The following ZNF445 variants were observed in gnomAD, a reference collection of about 807,000 sequenced individuals.
ZNF445 encodes the protein zinc finger protein 168.
A neutral mutation model predicts 93.9 loss-of-function variants in ZNF445; 19 were observed. The observed-to-expected ratio is 0.20, with a 90% confidence interval of 0.14 to 0.30. ZNF445 has a LOEUF of 0.30. ZNF445 is among the 10% of genes least tolerant of loss of function. ZNF445 has a pLI of 1.00. For synonymous variants in ZNF445, 449 were observed against 446.3 expected (o/e 1.01, Z -0.08); for missense variants, 1,058 against 1,259.4 (o/e 0.84, Z 2.42).
chr3:44,439,507 G>T lies in ZNF445; in HGVS notation c.*7068C>A, dbSNP rs1697764911. 6.6e-6 allele frequency: 1 copy of T among 152,142 alleles called. No individual in the cohort carries two copies. Among genetic ancestry groups the T allele is most frequent in the African/African-American group, 2.4e-5 (1 of 41,384 alleles). The allele number at this position is 152,142 out of a possible 1,614,324, so 9.4% of individuals were successfully genotyped here. ...TCCCTGCCCCAGCATTAGTAGCTGGGACCTCTCCACAGAAGCACAGATCCA... is the reference window on the plus strand; with the variant it reads ...TCCCTGCCCCAGCATTAGTAGCTGGTACCTCTCCACAGAAGCACAGATCCA... On this transcript the variant is annotated 3_prime_UTR_variant, in exon 8 of 8. Transcript: ENST00000396077.
chr3:44,477,102 G>C (rs1698371145), intron 1 of ZNF445, among the ~76,000 whole-genome samples: 1 of 152,148 alleles, frequency 6.6e-6, no homozygotes, highest in African/African-American at 2.4e-5. Flanking sequence ...AATGTTATGT[G>C]TTATTTTGGC....
chr3:44,455,018 C>A (rs773548064), intron 3 of ZNF445, 103 bp downstream of exon 3: 9 of 1,414,618 alleles, frequency 6.4e-6, no homozygotes, highest in Non-Finnish European at 7.8e-6. Context: ...GCTTCCCCTG[C>A]ACTCCTCTAT....
rs771609452 is a variant in ZNF445, at chr3:44,440,433, A to G, written c.*6142T>C. ...TTATTAAGCAAAATTAAGGAGATTT[A>G]GGCAAGGAGGAGCTTATAATTTCCT... On this transcript the variant is annotated 3_prime_UTR_variant, in exon 8 of 8. Coordinates refer to ENST00000396077, the MANE Select transcript of ZNF445 (RefSeq NM_181489.6). 49 of 152,230 alleles carry G rather than the reference A, an allele frequency of 3.2e-4. No homozygotes were observed. The highest frequency in any genetic ancestry group is 1.3e-3 in the Admixed American group (20 of 15,284). The allele number at this position is 152,230 out of a possible 1,614,324, so 9.4% of individuals were successfully genotyped here.
At chr3:44,450,696 G>T in intron 5 of ZNF445, 123 bp from the exon 6 acceptor site, 1 of 1,394,438 alleles carries the variant, frequency 7.2e-7, no homozygotes, top group South Asian at 1.4e-5. Flanking sequence ...TGAAAGGGAA[G>T]ACCATCACCC....
At chr3:44,455,046 C>T in intron 3 of ZNF445, 75 bp downstream of exon 3, 1 of 1,578,844 alleles carries the variant, frequency 6.3e-7, no homozygotes, top group South Asian at 1.1e-5. Context: ...GTTTAGAGGG[C>T]CACCCCCATC....
intron 3 of ZNF445, among the ~76,000 whole-genome samples, chr3:44,452,393 C>G (rs1232918803): frequency 6.6e-6 from 1 of 150,976 alleles, no homozygotes; most frequent in Non-Finnish European, 1.5e-5. Flanking sequence ...CACAGCAAAA[C>G]AAGTTTAAGG....
chr3:44,471,630 T>C (rs901508193), intron 1 of ZNF445, among the ~76,000 whole-genome samples: 4 of 152,216 alleles, frequency 2.6e-5, no homozygotes, highest in African/African-American at 7.2e-5. Flanking sequence ...GTGCTGCTAA[T>C]ACTGTCAAAA....
intron 1 of ZNF445, among the ~76,000 whole-genome samples, chr3:44,476,150 A>AC (rs1698348858): frequency 6.6e-6 from 1 of 152,212 alleles, no homozygotes; most frequent in East Asian, 1.9e-4. Context: ...TTTCTAATAC[A>AC]AAATCTTGAA....
rs1697574431 is a variant in ZNF445 at position 44,432,322 on chromosome 3, G to C, written c.*14253C>G. 6.6e-6 allele frequency: 1 copy of C among 151,276 alleles called. No homozygotes were observed. Among genetic ancestry groups the C allele is most frequent in the African/African-American group, 2.5e-5 (1 of 40,734 alleles). 9.4% of individuals were successfully genotyped at this position (151,276 alleles called of 1,614,324 possible). ...GTGTGTGTGTGTGGATGGAGATAGA[G>C]AGAGAGGGATTTATGAATTTATGAT... On this transcript the variant is annotated 3_prime_UTR_variant, in exon 8 of 8. Coordinates refer to ENST00000396077, the MANE Select transcript of ZNF445 (RefSeq NM_181489.6).
At chr3:44,454,186 T>A (rs1204282520) in intron 3 of ZNF445, among the ~76,000 whole-genome samples, 9 of 143,576 alleles carry the variant, frequency 6.3e-5, no homozygotes, top group African/African-American at 1.8e-4. Flanking sequence ...AGTGGTGGGG[T>A]ATGCCTCAAA....
Position 44,447,583 on chromosome 3 carries a change from G to T in ZNF445, c.2088C>A (p.Leu696=), listed in dbSNP as rs772263680. ...CGKTFTRKKT[L]VDHQRIHTGE... ...CTGTGTGAATTCTCTGGTGGTCAAC[G>T]AGAGTTTTCTTTCTAGTAAAAGTTT... is the stretch of plus-strand genomic sequence containing the variant. Residue 696 remains leucine (L), a synonymous_variant, in exon 8 of 8, where the codon CTC becomes CTA. Transcript: ENST00000396077. The surrounding 1 kb of genome is among the most constrained non-coding windows in gnomAD (Gnocchi z 4.7). The T allele has an allele frequency of 3.1e-6, 5 of 1,614,030 alleles. No individual in the cohort carries two copies. The highest frequency in any genetic ancestry group is 4.5e-5 in the East Asian group (2 of 44,886).
Position 44,450,430 on chromosome 3 carries a change from G to A in ZNF445, c.820+17C>T. Reference sequence around the variant, plus strand: ...GAAATAAAGATGGATAGAAGCATGAGGATATCGATTACTTACCCAGGGAAG... The same window carrying A: ...GAAATAAAGATGGATAGAAGCATGAAGATATCGATTACTTACCCAGGGAAG... On this transcript the variant is annotated intron_variant, in intron 6 of 7. Coordinates refer to ENST00000396077, the MANE Select transcript of ZNF445 (RefSeq NM_181489.6). 1 of 1,614,090 alleles carries A rather than the reference G, an allele frequency of 6.2e-7. No individual in the cohort carries two copies. Among genetic ancestry groups the A allele is most frequent in the Non-Finnish European group, 8.5e-7 (1 of 1,180,008 alleles).
At chr3:44,457,328 G>A (rs1698042579) in intron 2 of ZNF445, among the ~76,000 whole-genome samples, 1 of 151,920 alleles carries the variant, frequency 6.6e-6, no homozygotes, top group South Asian at 2.1e-4. Context: ...CTGGAGTGCA[G>A]TGGTGTGATC....
Position 44,446,643 on chromosome 3 carries a change from T to G in ZNF445, c.3028A>C (p.Lys1010Gln). The change falls in exon 8 of 8, where the codon AAG becomes CAG. Residue 1010 changes from lysine (K) to glutamine (Q), a missense_variant. Around this residue, in one of 3 missense-constraint regions of ZNF445, gnomAD observed 387 missense variants for 475.7 expected, o/e 0.81. Coordinates refer to ENST00000396077, the MANE Select transcript of ZNF445 (RefSeq NM_181489.6). This position sits in a 1 kb window ranked among gnomAD's most constrained non-coding sequence, Gnocchi z 4.2. ...GACCACCTGAAGGTCTTTCCACACT[T>G]GCTGCATTTGAAGGGCCTCTCTCGA... ...HTRERPFKCS[K>Q]CGKTFRWSSN... is the part of the protein sequence containing the mutation. The G allele has an allele frequency of 6.2e-7, 1 of 1,614,234 alleles. No homozygotes were observed.
rs1697878157 is a variant in ZNF445 at position 44,446,409 on chromosome 3, G to A, written c.*166C>T. On this transcript the variant is annotated 3_prime_UTR_variant, in exon 8 of 8. Transcript: ENST00000396077. The surrounding 1 kb of genome is among the most constrained non-coding windows in gnomAD (Gnocchi z 4.2). ...CTTCCCCAGCGTCACATCCTAGCAG[G>A]CAGGCTGGGGACTCCCCGAGCTTTC... 1.1e-6 allele frequency: 1 copy of A among 946,184 alleles called. No homozygotes were observed. The highest frequency in any genetic ancestry group is 1.5e-6 in the Non-Finnish European group (1 of 646,880). The allele number at this position is 946,184 out of a possible 1,614,324, so 58.6% of individuals were successfully genotyped here. A position where few individuals can be genotyped will look rare whatever the true frequency, so the allele number is the denominator to read the frequency against.
At position 44,446,615 on chromosome 3, in the gene ZNF445, G is replaced by A. The variant is rs771397082; in HGVS notation, c.3056C>T (p.Ser1019Leu). 7 of 1,614,182 alleles carry A rather than the reference G, an allele frequency of 4.3e-6. No homozygotes were observed. The highest frequency in any genetic ancestry group is 2.2e-5 in the South Asian group (2 of 91,078). Residue 1019 changes from serine to leucine, a missense_variant, in exon 8 of 8, where the codon TCG becomes TTG. Around this residue, in one of 3 missense-constraint regions of ZNF445, gnomAD observed 387 missense variants for 475.7 expected, o/e 0.81. Transcript: ENST00000396077. This position sits in a 1 kb window ranked among gnomAD's most constrained non-coding sequence, Gnocchi z 4.2. ...SKCGKTFRWS[S>L]NLARHMKNHI... ...GTTTTTCATATGCCGAGCCAGGTTCGAAGACCACCTGAAGGTCTTTCCACA... is the reference window on the plus strand; with the variant it reads ...GTTTTTCATATGCCGAGCCAGGTTCAAAGACCACCTGAAGGTCTTTCCACA...
chr3:44,470,938 A>T (rs1698260654), intron 1 of ZNF445, among the ~76,000 whole-genome samples: 1 of 152,212 alleles, frequency 6.6e-6, no homozygotes, highest in Non-Finnish European at 1.5e-5. Flanking sequence ...AGAAAAAAAA[A>T]CAGGCAAGTG....
intron 1 of ZNF445, among the ~76,000 whole-genome samples, chr3:44,466,566 T>C (rs552365933): frequency 1.3e-5 from 2 of 152,348 alleles, no homozygotes; most frequent in South Asian, 4.1e-4. Flanking sequence ...CTGTATGCCA[T>C]GGAGGTGGCA....
intron 1 of ZNF445, among the ~76,000 whole-genome samples, chr3:44,476,922 T>G (rs1698367904): frequency 6.6e-6 from 1 of 152,206 alleles, no homozygotes; most frequent in African/African-American, 2.4e-5. Context: ...AAAAAAATGT[T>G]TTAGTGGTGT....
Sources: allele counts gnomAD v4.1 joint callset (sites outside exome capture counted in the v4.1 genomes callset), GRCh38; gene constraint gnomAD v4.1.1; regional missense constraint gnomAD v4.1.1; non-coding constraint Gnocchi (gnomAD v3.1); transcripts MANE v1.5; gene names NCBI Gene and HGNC (gene_info 2026-07-23, HGNC 2026-07-21).